Variants in SNX24 observed in about 807,000 individuals in gnomAD.
SNX24 encodes sorting nexin-24.
A neutral mutation model predicts 28.7 loss-of-function variants in SNX24; 22 were observed. The ratio of observed to expected loss-of-function variants is 0.77; its 90% CI spans 0.55 to 1.10. The LOEUF (loss-of-function observed/expected upper bound fraction) is 1.10. Ranked by LOEUF, SNX24 falls within the 50% of genes least tolerant of loss-of-function variation. The probability of loss-of-function intolerance (pLI) is 0.00; values close to 1 mark genes in which losing one functional copy is unlikely to be tolerated. For missense variants in SNX24, 221 were observed against 201.1 expected, an observed-to-expected ratio of 1.10 and a Z score of -0.60; for synonymous variants, 69 against 71.5, an observed-to-expected ratio of 0.96 and a Z score of 0.18.
At chr5:123,018,344 C>CG (rs1762715176) in intron 5 of SNX24, among the ~76,000 whole-genome samples, 1 of 152,002 alleles carries the variant, frequency 6.6e-6, no homozygotes, top group South Asian at 2.1e-4. Flanking sequence ...GCAGAGGCAC[C>CG]GGAAGCAGGC....
intron 1 of SNX24, among the ~76,000 whole-genome samples, chr5:122,854,528 CAA>C (rs1229972982): frequency 1.0e-5 from 1 of 99,468 alleles, no homozygotes; most frequent in African/African-American, 4.6e-5. Context: ...AAAAAAAAAA[CAA>C]AAAAAAAAAC....
intron 3 of SNX24, among the ~76,000 whole-genome samples, chr5:122,947,384 C>A (rs1759732844): frequency 6.6e-6 from 1 of 152,144 alleles, no homozygotes; most frequent in African/African-American, 2.4e-5. Flanking sequence ...AGGACTATCT[C>A]TCAGTAGAAA....
At chr5:122,906,754 C>T (rs185854056) in intron 1 of SNX24, among the ~76,000 whole-genome samples, 40 of 152,294 alleles carry the variant, frequency 2.6e-4, no homozygotes, top group Admixed American at 2.2e-3. Flanking sequence ...GTGATCCGCC[C>T]GCCTCGGACT....
intron 1 of SNX24, among the ~76,000 whole-genome samples, chr5:122,889,308 A>T (rs1341524292): frequency 6.6e-6 from 1 of 151,928 alleles, no homozygotes; most frequent in Non-Finnish European, 1.5e-5. Context: ...TTTTATAGGT[A>T]TCTATATCTA....
intron 1 of SNX24, among the ~76,000 whole-genome samples, chr5:122,884,051 A>T (rs1292792110): frequency 6.6e-6 from 1 of 152,170 alleles, no homozygotes; most frequent in African/African-American, 2.4e-5. Context: ...AGATTTAGCA[A>T]ACACTATTTG....
chr5:122,859,358 C>T (rs1474800244), intron 1 of SNX24, among the ~76,000 whole-genome samples: 2 of 152,124 alleles, frequency 1.3e-5, no homozygotes, highest in East Asian at 1.9e-4. Flanking sequence ...GATCCCAGCA[C>T]TTTGGAAGGC....
At chr5:122,892,338 G>A (rs1361876891) in intron 1 of SNX24, among the ~76,000 whole-genome samples, 3 of 152,028 alleles carry the variant, frequency 2.0e-5, no homozygotes, top group Non-Finnish European at 4.4e-5. Context: ...TGACCCAGTG[G>A]TTAACTAGAG....
chr5:122,920,530 A>G (rs1758387156), intron 1 of SNX24, among the ~76,000 whole-genome samples: 1 of 152,240 alleles, frequency 6.6e-6, no homozygotes, highest in Non-Finnish European at 1.5e-5. Context: ...ATATGGCACC[A>G]TCTCTATCTT....
At chr5:123,014,491 C>T (rs953686474) in intron 5 of SNX24, among the ~76,000 whole-genome samples, 9 of 151,864 alleles carry the variant, frequency 5.9e-5, no homozygotes, top group African/African-American at 2.2e-4. Context: ...CTGAACCAGA[C>T]ATGAACGCTT....
chr5:122,913,814 G>A (rs1758029808), intron 1 of SNX24, among the ~76,000 whole-genome samples: 1 of 152,108 alleles, frequency 6.6e-6, no homozygotes, highest in Non-Finnish European at 1.5e-5. Context: ...CTCCAACCTG[G>A]GCACCATTGA....
intron 3 of SNX24, chr5:122,948,538 C>G (rs991389170): frequency 6.6e-6 from 1 of 152,204 alleles, no homozygotes; most frequent in Non-Finnish European, 1.5e-5. Context: ...ACAATCATCC[C>G]TCTGGCCTCA....
intron 1 of SNX24, among the ~76,000 whole-genome samples, chr5:122,868,841 T>G (rs937813275): frequency 1.3e-5 from 2 of 152,204 alleles, no homozygotes; most frequent in Non-Finnish European, 2.9e-5. Flanking sequence ...ACACCCAGAA[T>G]GTTTGACTGA....
chr5:122,995,854 G>A lies in SNX24; in HGVS notation c.250-4058G>A, dbSNP rs369412851. ...CTGGGTAATTAAGTAGATAGCACTG[G>A]GCCTGATCCCATCGCTACCCTGCAG... On this transcript the variant is annotated intron_variant, in intron 3 of 6. Transcript: ENST00000261369. 2.0e-5 allele frequency among the ~76,000 whole-genome samples: 3 copies of A among 152,058 alleles called. No homozygotes were observed. The East Asian group carries it at 5.8e-4, about 29-fold the overall frequency.
intron 1 of SNX24, among the ~76,000 whole-genome samples, chr5:122,856,682 A>G (rs1755209227): frequency 6.6e-6 from 1 of 151,744 alleles, no homozygotes; most frequent in African/African-American, 2.4e-5. Flanking sequence ...TGCCTGGCTA[A>G]TTTTTGCATT....
At chr5:122,945,565 T>C (rs1002732181) in intron 2 of SNX24, among the ~76,000 whole-genome samples, 1 of 152,184 alleles carries the variant, frequency 6.6e-6, no homozygotes, top group African/African-American at 2.4e-5. Context: ...GGCCTTTATG[T>C]TTTTAAGTTC....
chr5:122,870,322 C>T (rs994708538), intron 1 of SNX24, among the ~76,000 whole-genome samples: 5 of 152,188 alleles, frequency 3.3e-5, no homozygotes, highest in African/African-American at 1.2e-4. Context: ...GCAGGAAGCT[C>T]CGCTGCTTCA....
chr5:123,018,549 G>A (rs1762718148), intron 5 of SNX24, among the ~76,000 whole-genome samples: 1 of 152,102 alleles, frequency 6.6e-6, no homozygotes, highest in Non-Finnish European at 1.5e-5. Context: ...AAAGTTAATG[G>A]GGGTGGAAAC....
At chr5:122,908,423 T>C (rs1757739740) in intron 1 of SNX24, among the ~76,000 whole-genome samples, 1 of 152,196 alleles carries the variant, frequency 6.6e-6, no homozygotes, top group Non-Finnish European at 1.5e-5. Flanking sequence ...TTGGATACTG[T>C]AGCAGCCGGC....
intron 5 of SNX24, 80 bp from the exon 6 acceptor site, chr5:123,001,860 A>G (rs910860827): frequency 8.5e-7 from 1 of 1,172,228 alleles, no homozygotes; most frequent in Non-Finnish European, 1.3e-6. Context: ...CAGCAGTTTG[A>G]TCCCCTCAAA....
Sources: gnomAD v4.1 joint callset for allele counts (sites outside exome capture counted in the v4.1 genomes callset) on GRCh38, gnomAD v4.1.1 for gene constraint, MANE v1.5 for transcripts, NCBI Gene and HGNC (gene_info 2026-07-23, HGNC 2026-07-21) for gene names.